The following OLFM3 variants were observed in gnomAD, a reference collection of about 807,000 sequenced individuals.
OLFM3 encodes the protein olfactomedin 3.
OLFM3 carries 20 observed loss-of-function variants against 48.6 expected under a neutral mutation model. That is an observed-to-expected ratio of 0.41 (90% CI 0.29 to 0.60). The LOEUF is 0.60. Ranked by LOEUF, OLFM3 falls within the 20% of genes least tolerant of loss-of-function variation. The probability of loss-of-function intolerance (pLI) is 0.28; values close to 1 mark genes in which losing one functional copy is unlikely to be tolerated. For synonymous variants in OLFM3, 222 were observed against 198.1 expected (o/e 1.12, Z -1.01); for missense variants, 437 against 544.3 (o/e 0.80, Z 1.96).
In OLFM3 at chr1:101,832,811, T is replaced by C. The variant is rs148452635; in HGVS notation, c.217-1984A>G. ...TATAGGAATGTAAGTATTTCTTAATTTACTAAAAGTTTAATATTCCGAAAG... is the reference window on the plus strand; with the variant it reads ...TATAGGAATGTAAGTATTTCTTAATCTACTAAAAGTTTAATATTCCGAAAG... On this transcript the variant is annotated intron_variant, in intron 2 of 5. Transcript: ENST00000370103. Among the ~76,000 whole-genome samples, 339 of 152,364 alleles carry C rather than the reference T, an allele frequency of 2.2e-3. 2 individuals carry two copies. Among genetic ancestry groups the C allele is most frequent in the Middle Eastern group, 0.014 (4 of 294 alleles).
intron 1 of OLFM3, among the ~76,000 whole-genome samples, chr1:101,972,196 C>A (rs1295097945): frequency 6.6e-6 from 1 of 152,108 alleles, no homozygotes; most frequent in African/African-American, 2.4e-5. Context: ...CCTACTGCTC[C>A]TTGAGCAGAT....
At chr1:101,927,907 T>C (rs997148024) in intron 1 of OLFM3, among the ~76,000 whole-genome samples, 4 of 151,926 alleles carry the variant, frequency 2.6e-5, no homozygotes, top group African/African-American at 4.8e-5. Flanking sequence ...GAATTTTTGA[T>C]AAAAACATAA....
intron 1 of OLFM3, among the ~76,000 whole-genome samples, chr1:101,870,275 T>C (rs1657025249): frequency 6.6e-6 from 1 of 152,154 alleles, no homozygotes; most frequent in Non-Finnish European, 1.5e-5. Flanking sequence ...TGTTGTTCAT[T>C]ACCTTAAAAT....
chr1:101,936,413 T>C (rs1222443747), intron 1 of OLFM3, among the ~76,000 whole-genome samples: 1 of 85,942 alleles, frequency 1.2e-5, no homozygotes, highest in Non-Finnish European at 2.6e-5. Context: ...ACCAGGGAAA[T>C]GTAAGATCTA....
At chr1:101,950,272 C>T (rs1307745257) in intron 1 of OLFM3, among the ~76,000 whole-genome samples, 2 of 152,154 alleles carry the variant, frequency 1.3e-5, no homozygotes, top group East Asian at 3.9e-4. Flanking sequence ...CACCCATCCT[C>T]TTGCTTTCTT....
intron 1 of OLFM3, among the ~76,000 whole-genome samples, chr1:101,863,679 C>A (rs1374002012): frequency 6.6e-6 from 1 of 152,056 alleles, no homozygotes; most frequent in African/African-American, 2.4e-5. Context: ...AAAATTATCA[C>A]AATTTAAATA....
intron 1 of OLFM3, among the ~76,000 whole-genome samples, chr1:101,973,328 G>T (rs1446581356): frequency 6.6e-6 from 1 of 152,218 alleles, no homozygotes; most frequent in Non-Finnish European, 1.5e-5. Context: ...TCTGAGGCAG[G>T]AGAGCATAGA....
chr1:101,963,735 G>C (rs879704376), intron 1 of OLFM3, among the ~76,000 whole-genome samples: 8 of 152,100 alleles, frequency 5.3e-5, no homozygotes, highest in Non-Finnish European at 7.4e-5. Flanking sequence ...GAGCTGGGGG[G>C]ACATTTACAT....
At position 101,885,317 on chromosome 1, in the gene OLFM3, A is replaced by C. The variant is rs1171004223; in HGVS notation, c.70-48292T>G. Among the ~76,000 whole-genome samples, 4 of 152,224 alleles carry C rather than the reference A, an allele frequency of 2.6e-5. No homozygotes were observed. The East Asian group carries it at 7.7e-4, about 29-fold the overall frequency. On this transcript the variant is annotated intron_variant, in intron 1 of 5. Coordinates refer to ENST00000370103, the MANE Select transcript of OLFM3 (RefSeq NM_058170.4). Reference sequence around the variant, plus strand: ...TCCAAACCAGTGCCAGAAAACAGAAAGTATCTGATTATTCAAGAATTCCTT... The same window carrying C: ...TCCAAACCAGTGCCAGAAAACAGAACGTATCTGATTATTCAAGAATTCCTT...
At chr1:101,812,681 A>T in intron 4 of OLFM3, 1 of 985,768 alleles carries the variant, frequency 1.0e-6, no homozygotes, top group Non-Finnish European at 1.2e-6. Context: ...TCTATGGCAA[A>T]GGGATACTGC....
intron 1 of OLFM3, among the ~76,000 whole-genome samples, chr1:101,845,754 A>G (rs913472154): frequency 1.3e-5 from 2 of 152,232 alleles, no homozygotes; most frequent in African/African-American, 4.8e-5. Flanking sequence ...ATGAAAATGT[A>G]AAAGCAGGTC....
At chr1:101,907,189 T>C (rs894360304) in intron 1 of OLFM3, among the ~76,000 whole-genome samples, 56 of 152,334 alleles carry the variant, frequency 3.7e-4, no homozygotes, top group African/African-American at 1.3e-3. Flanking sequence ...ATAAACTTAA[T>C]GAGATATTTG....
At chr1:101,813,418 G>C (rs771178123) in intron 4 of OLFM3, among the ~76,000 whole-genome samples, 1 of 151,958 alleles carries the variant, frequency 6.6e-6, no homozygotes, top group Non-Finnish European at 1.5e-5. Flanking sequence ...TTAAACTACT[G>C]TTCCATGTTT....
chr1:101,810,850 T>C (rs1207872510), intron 4 of OLFM3, among the ~76,000 whole-genome samples: 1 of 151,632 alleles, frequency 6.6e-6, no homozygotes. Flanking sequence ...TTAATATATA[T>C]ATCAAAGCTA....
At chr1:101,938,980 C>G (rs1382352286) in intron 1 of OLFM3, among the ~76,000 whole-genome samples, 2 of 152,114 alleles carry the variant, frequency 1.3e-5, no homozygotes, top group Non-Finnish European at 2.9e-5. Context: ...CTTTCTTTCT[C>G]TTTTTTGTTC....
chr1:101,837,162 A>C, intron 1 of OLFM3, 137 bp from the exon 2 acceptor site: 1 of 838,064 alleles, frequency 1.2e-6, no homozygotes, highest in South Asian at 2.0e-5. Flanking sequence ...TAGCAGAGAG[A>C]TATTAAACAA....
At chr1:101,947,124 T>A (rs1363605168) in intron 1 of OLFM3, among the ~76,000 whole-genome samples, 1 of 152,328 alleles carries the variant, frequency 6.6e-6, no homozygotes, top group East Asian at 1.9e-4. Flanking sequence ...AATTTCTATT[T>A]CAGTTTTAAG....
intron 1 of OLFM3, among the ~76,000 whole-genome samples, chr1:101,858,442 C>A (rs1041792384): frequency 1.3e-5 from 2 of 151,914 alleles, no homozygotes; most frequent in African/African-American, 2.4e-5. Context: ...CTGACAGGAA[C>A]AAGAAAGAAA....
intron 1 of OLFM3, among the ~76,000 whole-genome samples, chr1:101,847,792 A>G (rs1331258388): frequency 6.6e-6 from 1 of 152,180 alleles, no homozygotes; most frequent in East Asian, 1.9e-4. Flanking sequence ...TCAGTTTGTG[A>G]GGAATGACGG....
Sources: gnomAD v4.1 joint callset for allele counts (sites outside exome capture counted in the v4.1 genomes callset) on GRCh38, gnomAD v4.1.1 for gene constraint, MANE v1.5 for transcripts, NCBI Gene and HGNC (gene_info 2026-07-23, HGNC 2026-07-21) for gene names.